The following ZSCAN30 variants were observed in gnomAD, a reference collection of about 807,000 sequenced individuals.
ZSCAN30 encodes zinc finger and SCAN domain containing 30, also known as zinc finger and SCAN domain-containing protein 30.
ZSCAN30 carries 37 observed loss-of-function variants against 44.3 expected under a neutral mutation model. That is an observed-to-expected ratio of 0.84 (90% confidence interval 0.64 to 1.10). The LOEUF is 1.10. Ranked by LOEUF, ZSCAN30 falls within the 50% of genes least tolerant of loss-of-function variation. The pLI is 0.00. For synonymous variants in ZSCAN30, 181 were observed against 204.6 expected (o/e 0.88, Z 0.98); for missense variants, 549 against 582.6 (o/e 0.94, Z 0.59).
At chr18:35,259,046 A>G (rs2043945568) in intron 3 of ZSCAN30, 1 of 153,864 alleles carries the variant, frequency 6.5e-6, no homozygotes, top group Admixed American at 6.5e-5. Context: ...TAGTATGTTT[A>G]CTAGGGTTTC....
At chr18:35,277,108 C>G (rs563304869) in intron 1 of ZSCAN30, among the ~76,000 whole-genome samples, 5 of 152,280 alleles carry the variant, frequency 3.3e-5, no homozygotes, top group East Asian at 3.9e-4. Flanking sequence ...GCCTGTACCC[C>G]CTTTGTTTTG....
intron 1 of ZSCAN30, among the ~76,000 whole-genome samples, chr18:35,286,327 C>G (rs1309047658): frequency 2.6e-5 from 4 of 152,118 alleles, no homozygotes; most frequent in Non-Finnish European, 5.9e-5. Context: ...TTGAATCATT[C>G]TTTGAGGCCC....
chr18:35,278,248 T>C (rs2044399176), intron 1 of ZSCAN30, among the ~76,000 whole-genome samples: 3 of 152,184 alleles, frequency 2.0e-5, no homozygotes, highest in Admixed American at 1.3e-4. Flanking sequence ...GAGGCTTCAC[T>C]GGTCCCTGAG....
At position 35,253,550 on chromosome 18, in the gene ZSCAN30, A is replaced by G. The variant is rs1296469677; in HGVS notation, c.1385T>C (p.Ile462Thr). 6.2e-7 allele frequency: 1 copy of G among 1,613,942 alleles called. No individual in the cohort carries two copies. The highest frequency in any genetic ancestry group is 1.7e-5 in the Admixed American group (1 of 59,996). ...QSSALTQHQR[I>T]HTGEKPYECS... ...TTCATAAGGCTTCTCTCCAGTGTGA[A>G]TTCTCTGGTGCTGGGTGAGGGCTGA... Residue 462 changes from isoleucine to threonine, a missense_variant, in exon 4 of 4, where the codon ATT becomes ACT. Physicochemically the swap from Ile to Thr is moderately conservative, Grantham distance 89. Transcript: ENST00000333206.
intron 1 of ZSCAN30, among the ~76,000 whole-genome samples, chr18:35,266,107 G>A (rs923059580): frequency 6.6e-6 from 1 of 152,162 alleles, no homozygotes; most frequent in Non-Finnish European, 1.5e-5. Flanking sequence ...AACATGAACC[G>A]CAAGGCAGAC....
chr18:35,282,591 A>G (rs1160552647), intron 1 of ZSCAN30: 1 of 152,204 alleles, frequency 6.6e-6, no homozygotes, highest in African/African-American at 2.4e-5. Flanking sequence ...TGTAGTTCAC[A>G]TATGTTGTTG....
chr18:35,272,481 C>G (rs2044301033), intron 1 of ZSCAN30, among the ~76,000 whole-genome samples: 1 of 151,792 alleles, frequency 6.6e-6, no homozygotes, highest in East Asian at 2.0e-4. Context: ...GCTGGGATTA[C>G]AGGTGTGTGT....
chr18:35,271,542 T>C (rs2044276024), intron 1 of ZSCAN30, among the ~76,000 whole-genome samples: 1 of 35,592 alleles, frequency 2.8e-5, no homozygotes, highest in South Asian at 6.0e-4. Flanking sequence ...TGGCTAGACA[T>C]AAAAGTTCTC....
At chr18:35,276,541 G>A (rs1296383116) in intron 1 of ZSCAN30, among the ~76,000 whole-genome samples, 1 of 152,126 alleles carries the variant, frequency 6.6e-6, no homozygotes, top group Non-Finnish European at 1.5e-5. Context: ...TGGCTGAAAG[G>A]GGCCAACGTA....
At chr18:35,272,635 G>A (rs532742014) in intron 1 of ZSCAN30, among the ~76,000 whole-genome samples, 7 of 152,320 alleles carry the variant, frequency 4.6e-5, no homozygotes, top group South Asian at 2.1e-4. Flanking sequence ...ATGAGCCTCC[G>A]TGCCCGGCCC....
rs577736777 is a variant in ZSCAN30, at chr18:35,264,976, C to T, written c.-103-521G>A. Among the ~76,000 whole-genome samples, 10 of 152,106 alleles carry T rather than the reference C, an allele frequency of 6.6e-5. No homozygotes were observed. In the East Asian group the frequency reaches 1.4e-3, roughly 21 times the overall value. ...CCTGGCTAACATGGTGAAACCCCAT[C>T]TCTACTAAAAATACAAAAAATTAGC... On this transcript the variant is annotated intron_variant, in intron 1 of 3. Transcript: ENST00000333206.
At chr18:35,266,368 G>A (rs1402043537) in intron 1 of ZSCAN30, among the ~76,000 whole-genome samples, 2 of 152,122 alleles carry the variant, frequency 1.3e-5, no homozygotes, top group Non-Finnish European at 2.9e-5. Flanking sequence ...CAACCATTCA[G>A]AAGAGAGACT....
Position 35,264,409 on chromosome 18 carries a change from T to C in ZSCAN30, c.-57A>G. On this transcript the variant is annotated 5_prime_UTR_variant, in exon 2 of 4. Transcript: ENST00000333206. ...AGGTGAGGCAGGGAGGAGATGGAGA[T>C]TTGCGTCTGAGAGATTCCTTCTGAA... is the stretch of plus-strand genomic sequence containing the variant. 1 of 1,550,564 alleles carries C rather than the reference T, an allele frequency of 6.4e-7. No individual in the cohort carries two copies.
At chr18:35,255,615 A>G (rs977793036) in intron 3 of ZSCAN30, among the ~76,000 whole-genome samples, 1 of 152,184 alleles carries the variant, frequency 6.6e-6, no homozygotes, top group Non-Finnish European at 1.5e-5. Context: ...TGGCTTTGGA[A>G]AAGCATTATG....
chr18:35,286,148 T>G (rs1405685684), intron 1 of ZSCAN30, among the ~76,000 whole-genome samples: 3 of 152,142 alleles, frequency 2.0e-5, no homozygotes, highest in South Asian at 2.1e-4. Context: ...ATATATAACC[T>G]GAATAGCACC....
intron 3 of ZSCAN30, chr18:35,263,242 T>TAAA: frequency 3.2e-5 from 9 of 277,376 alleles, no homozygotes; most frequent in South Asian, 1.0e-4. Flanking sequence ...AGACCCCATC[T>TAAA]AAAAAAAAAA....
At chr18:35,279,287 G>C (rs2044415445) in intron 1 of ZSCAN30, among the ~76,000 whole-genome samples, 1 of 152,206 alleles carries the variant, frequency 6.6e-6, no homozygotes, top group African/African-American at 2.4e-5. Context: ...GGAAGTGTCT[G>C]TTCCATCCCA....
chr18:35,276,202 AAG>A (rs1013762627), intron 1 of ZSCAN30, among the ~76,000 whole-genome samples: 1 of 152,066 alleles, frequency 6.6e-6, no homozygotes, highest in African/African-American at 2.4e-5. Flanking sequence ...TGGGGAGGGG[AAG>A]AGTTTGTGAA....
intron 1 of ZSCAN30, among the ~76,000 whole-genome samples, chr18:35,277,177 C>A (rs142377748): frequency 6.6e-6 from 1 of 152,184 alleles, no homozygotes; most frequent in Non-Finnish European, 1.5e-5. Flanking sequence ...CCCATCATAT[C>A]CAGGAAGTAA....
Sources: allele counts gnomAD v4.1 joint callset (sites outside exome capture counted in the v4.1 genomes callset), GRCh38; gene constraint gnomAD v4.1.1; transcripts MANE v1.5; gene names NCBI Gene and HGNC (gene_info 2026-07-23, HGNC 2026-07-21).